Variants in ARHGAP6 observed in about 807,000 individuals in gnomAD.
The protein encoded by ARHGAP6 is rho GTPase-activating protein 6.
In ARHGAP6, 16 loss-of-function variants were observed where a neutral mutation model predicts 55.7. The observed-to-expected ratio is 0.29, with a 90% confidence interval of 0.19 to 0.44. The LOEUF is 0.44. Ranked by LOEUF, ARHGAP6 falls within the 20% of genes least tolerant of loss-of-function variation. The pLI, the probability that ARHGAP6 is intolerant of heterozygous loss-of-function variation, is 1.00. For synonymous variants in ARHGAP6, 382 were observed against 360.9 expected (o/e 1.06, Z -0.66); for missense variants, 698 against 808.9 (o/e 0.86, Z 1.66).
intron 1 of ARHGAP6, among the ~76,000 whole-genome samples, chrX:11,650,727 G>T (rs1271498232): frequency 8.9e-6 from 1 of 112,420 alleles, no homozygotes; most frequent in African/African-American, 3.2e-5. Flanking sequence ...ATGAGAAAAA[G>T]TAATATATTT....
At chrX:11,183,922 C>T (rs1186916384) in intron 5 of ARHGAP6, among the ~76,000 whole-genome samples, 1 of 112,022 alleles carries the variant, frequency 8.9e-6, no homozygotes, top group African/African-American at 3.2e-5. Context: ...TGATGAGCAT[C>T]ATGTATATTA....
intron 1 of ARHGAP6, among the ~76,000 whole-genome samples, chrX:11,492,659 A>G (rs921830732): frequency 1.8e-5 from 2 of 111,872 alleles, no homozygotes; most frequent in African/African-American, 6.5e-5. Context: ...AACATGGACA[A>G]TGTTGAAGGT....
At chrX:11,415,430 A>C (rs1268068203) in intron 1 of ARHGAP6, among the ~76,000 whole-genome samples, 3 of 112,393 alleles carry the variant, frequency 2.7e-5, no homozygotes, top group East Asian at 5.5e-4. Context: ...ATTGACATCC[A>C]TGACAGAAAG....
intron 1 of ARHGAP6, among the ~76,000 whole-genome samples, chrX:11,480,017 G>A (rs1319843716): frequency 9.0e-6 from 1 of 111,484 alleles, no homozygotes; most frequent in African/African-American, 3.3e-5. Context: ...GGGTAATAAT[G>A]AAGGGAAGGA....
At chrX:11,312,287 C>T (rs944645227) in intron 1 of ARHGAP6, among the ~76,000 whole-genome samples, 1 of 111,674 alleles carries the variant, frequency 9.0e-6, no homozygotes, top group African/African-American at 3.3e-5. Context: ...CTATGGAGAA[C>T]TGACTGAAAA....
At chrX:11,399,270 G>T (rs993638789) in intron 1 of ARHGAP6, among the ~76,000 whole-genome samples, 4 of 101,280 alleles carry the variant, frequency 3.9e-5, no homozygotes, top group Non-Finnish European at 7.9e-5. Flanking sequence ...ACAGGCCAGT[G>T]TGATTTTATG....
intron 3 of ARHGAP6, among the ~76,000 whole-genome samples, chrX:11,195,987 A>AAAAAAAAAG (rs770765295): frequency 1.0e-5 from 1 of 95,480 alleles, no homozygotes; most frequent in African/African-American, 3.9e-5. Context: ...AAAAAAAAAA[A>AAAAAAAAAG]GCCGGTTGTG....
intron 2 of ARHGAP6, among the ~76,000 whole-genome samples, chrX:11,251,881 C>G (rs1178898145): frequency 8.9e-6 from 1 of 112,040 alleles, no homozygotes. Context: ...AATTCAGTAG[C>G]TTCAGAAACC....
chrX:11,428,797 T>C (rs1424104506), intron 1 of ARHGAP6, among the ~76,000 whole-genome samples: 1 of 111,861 alleles, frequency 8.9e-6, no homozygotes, highest in African/African-American at 3.3e-5. Context: ...GCATGTAATA[T>C]TTTAAAACAA....
chrX:11,151,275 T>TCC (rs1408146112), intron 10 of ARHGAP6, among the ~76,000 whole-genome samples: 139 of 103,985 alleles, frequency 1.3e-3, no homozygotes, highest in African/African-American at 4.2e-3. Context: ...TTTTTTTTTT[T>TCC]CCCCCTAGAG....
chrX:11,635,175 C>A (rs1419576858), intron 1 of ARHGAP6, among the ~76,000 whole-genome samples: 1 of 111,968 alleles, frequency 8.9e-6, no homozygotes, highest in South Asian at 3.7e-4. Flanking sequence ...TAAGTGATGT[C>A]CTCCCAAAGT....
At chrX:11,597,365 C>A (rs767096537) in intron 1 of ARHGAP6, among the ~76,000 whole-genome samples, 1 of 111,291 alleles carries the variant, frequency 9.0e-6, no homozygotes, top group East Asian at 2.8e-4. Context: ...TAGAAAAATC[C>A]GTGTTAACTA....
chrX:11,163,660 G>A (rs1014640462), intron 9 of ARHGAP6, among the ~76,000 whole-genome samples: 1 of 112,766 alleles, frequency 8.9e-6, no homozygotes, highest in Admixed American at 9.4e-5. Flanking sequence ...GACAGGCCCA[G>A]CTTAGAACCT....
chrX:11,598,918 C>T (rs765744748), intron 1 of ARHGAP6, among the ~76,000 whole-genome samples: 27 of 110,350 alleles, frequency 2.4e-4, no homozygotes, highest in African/African-American at 8.6e-4. Context: ...AGTGGCCCAG[C>T]ATAGTGGGGC....
intron 1 of ARHGAP6, among the ~76,000 whole-genome samples, chrX:11,501,151 C>T (rs765337889): frequency 8.9e-6 from 1 of 111,816 alleles, no homozygotes; most frequent in Admixed American, 9.5e-5. Context: ...GATTATGTTC[C>T]AATAAAACTT....
intron 1 of ARHGAP6, among the ~76,000 whole-genome samples, chrX:11,360,904 C>T (rs764783017): frequency 0.046 from 4,999 of 109,439 alleles, 171 homozygotes; most frequent in African/African-American, 0.089. Context: ...CCATTCACAA[C>T]TGCTTCAAAG....
chrX:11,566,444 C>A (rs1052889312), intron 1 of ARHGAP6, among the ~76,000 whole-genome samples: 11 of 111,982 alleles, frequency 9.8e-5, no homozygotes, highest in African/African-American at 3.6e-4. Flanking sequence ...ACTCTGCTTC[C>A]CTTGGAGATT....
At chrX:11,193,768 A>C (rs954619069) in intron 3 of ARHGAP6, among the ~76,000 whole-genome samples, 9 of 112,485 alleles carry the variant, frequency 8.0e-5, no homozygotes, top group African/African-American at 1.9e-4. Flanking sequence ...ATAATGGCCC[A>C]GTATGTATTG....
chrX:11,397,283 T>C (rs1278761005), intron 1 of ARHGAP6, among the ~76,000 whole-genome samples: 1 of 110,987 alleles, frequency 9.0e-6, no homozygotes, highest in Non-Finnish European at 1.9e-5. Context: ...CCAAGAATAT[T>C]AGTAGCACTG....
Sources: gnomAD v4.1 joint callset for allele counts (sites outside exome capture counted in the v4.1 genomes callset) on GRCh38, gnomAD v4.1.1 for gene constraint, MANE v1.5 for transcripts, NCBI Gene and HGNC (gene_info 2026-07-23, HGNC 2026-07-21) for gene names.